The following KAZN variants were observed in gnomAD, a reference collection of about 807,000 sequenced individuals.
KAZN encodes kazrin.
Under a neutral mutation model 87.4 loss-of-function variants are expected in KAZN, and 40 were observed. The ratio of observed to expected loss-of-function variants is 0.46; its 90% CI spans 0.36 to 0.60. The LOEUF (loss-of-function observed/expected upper bound fraction) is 0.60, where lower values mean the gene tolerates loss of function less well. KAZN is among the 20% of genes least tolerant of loss of function. The pLI is 0.00. For missense variants in KAZN, 898 were observed against 1,073.9 expected, an observed-to-expected ratio of 0.84 and a Z score of 2.29; for synonymous variants, 466 against 458.3, an observed-to-expected ratio of 1.02 and a Z score of -0.22.
chr1:13,992,723 A>G (rs1020222866), intron 1 of KAZN, among the ~76,000 whole-genome samples: 1 of 152,080 alleles, frequency 6.6e-6, no homozygotes, highest in Non-Finnish European at 1.5e-5. Context: ...ATTGACGAGC[A>G]TCTTCTTTAC....
chr1:14,491,274 A>G (rs1322078160), intron 2 of KAZN, among the ~76,000 whole-genome samples: 12 of 152,206 alleles, frequency 7.9e-5, no homozygotes, highest in Non-Finnish European at 7.4e-5. Flanking sequence ...ATTAAACCTC[A>G]TGAACTCTAA....
chr1:14,634,379 C>T (rs750646678), intron 1 of KAZN, among the ~76,000 whole-genome samples: 11 of 152,158 alleles, frequency 7.2e-5, no homozygotes, highest in Non-Finnish European at 1.2e-4. Flanking sequence ...TAACCGTACA[C>T]GGAGAATCTG....
rs1658716605 is a variant in KAZN, at chr1:14,923,055, G to A, written c.227-37629G>A. Reference sequence around the variant, plus strand: ...CTCACAGCTTGTTGGACAGCCATAGGCCAGTGACCTAGAAATTTGCACATC... The same window carrying A: ...CTCACAGCTTGTTGGACAGCCATAGACCAGTGACCTAGAAATTTGCACATC... On this transcript the variant is annotated intron_variant, in intron 1 of 14. Coordinates refer to ENST00000376030, the MANE Select transcript of KAZN (RefSeq NM_201628.3). This position sits in a 1 kb window ranked among gnomAD's most constrained non-coding sequence, Gnocchi z 4.2. Among the ~76,000 whole-genome samples, 1 of 152,168 alleles carries A rather than the reference G, an allele frequency of 6.6e-6. No individual in the cohort carries two copies. The highest frequency in any genetic ancestry group is 2.1e-4 in the South Asian group (1 of 4,820).
At chr1:14,419,233 A>G (rs1665132929) in intron 2 of KAZN, among the ~76,000 whole-genome samples, 1 of 152,140 alleles carries the variant, frequency 6.6e-6, no homozygotes, top group Admixed American at 6.5e-5. Context: ...CTGTCATTTT[A>G]AAAGTAAGTA....
chr1:14,603,987 G>C (rs1412881077), intron 1 of KAZN, among the ~76,000 whole-genome samples: 1 of 152,144 alleles, frequency 6.6e-6, no homozygotes, highest in Non-Finnish European at 1.5e-5. Context: ...GGCTATGTAG[G>C]TAAGGACAGT....
chr1:15,057,348 A>G (rs893380280), intron 5 of KAZN, among the ~76,000 whole-genome samples: 6 of 152,244 alleles, frequency 3.9e-5, no homozygotes, highest in Admixed American at 3.9e-4. Flanking sequence ...GACTTCCTTT[A>G]CCTACTTCAT....
At chr1:14,827,649 C>T (rs943645862) in intron 1 of KAZN, among the ~76,000 whole-genome samples, 4 of 152,108 alleles carry the variant, frequency 2.6e-5, no homozygotes, top group African/African-American at 4.8e-5. Context: ...GAGGAGCCCT[C>T]GAAGCAGGCC....
intron 1 of KAZN, among the ~76,000 whole-genome samples, chr1:14,018,110 G>GGCTA (rs1640654929): frequency 1.3e-5 from 2 of 152,154 alleles, no homozygotes; most frequent in South Asian, 4.1e-4. Context: ...ATTGATCACT[G>GGCTA]GCTAGCTAGC....
intron 2 of KAZN, among the ~76,000 whole-genome samples, chr1:14,424,813 C>G (rs1477439001): frequency 1.3e-5 from 2 of 152,148 alleles, no homozygotes; most frequent in African/African-American, 4.8e-5. Context: ...GCTGTAATTC[C>G]AGAGAAAAGA....
intron 1 of KAZN, among the ~76,000 whole-genome samples, chr1:13,919,169 A>C (rs1639970332): frequency 6.6e-6 from 1 of 152,214 alleles, no homozygotes; most frequent in African/African-American, 2.4e-5. Context: ...AGTGCACTGC[A>C]CTTATCTACT....
intron 1 of KAZN, among the ~76,000 whole-genome samples, chr1:14,766,098 G>A (rs1230506586): frequency 1.3e-5 from 2 of 152,212 alleles, no homozygotes; most frequent in Non-Finnish European, 2.9e-5. Flanking sequence ...TGAGACAGGA[G>A]AGGAAAACAG....
intron 1 of KAZN, among the ~76,000 whole-genome samples, chr1:14,121,840 G>C (rs919726139): frequency 6.6e-6 from 1 of 152,200 alleles, no homozygotes; most frequent in Non-Finnish European, 1.5e-5. Context: ...TGACTTGGAA[G>C]AGGTGAGGGA....
intron 1 of KAZN, among the ~76,000 whole-genome samples, chr1:14,697,931 G>A (rs1641707177): frequency 1.3e-5 from 2 of 152,166 alleles, no homozygotes; most frequent in African/African-American, 4.8e-5. Context: ...CTGCTTCCCA[G>A]AGCATAGAGC....
chr1:14,493,676 C>T (rs1669797202), intron 2 of KAZN, among the ~76,000 whole-genome samples: 1 of 152,156 alleles, frequency 6.6e-6, no homozygotes, highest in South Asian at 2.1e-4. Flanking sequence ...CTACGTGCTC[C>T]CTACATCTTC....
At chr1:14,364,698 T>C (rs1400419610) in intron 2 of KAZN, among the ~76,000 whole-genome samples, 1 of 152,180 alleles carries the variant, frequency 6.6e-6, no homozygotes, top group Non-Finnish European at 1.5e-5. Context: ...AAATTCATTC[T>C]CTCTGAGTTC....
chr1:14,235,308 C>T (rs535262906), intron 2 of KAZN, among the ~76,000 whole-genome samples: 1 of 152,230 alleles, frequency 6.6e-6, no homozygotes, highest in East Asian at 1.9e-4. Context: ...GGATGAACTA[C>T]TATAACATGG....
intron 2 of KAZN, among the ~76,000 whole-genome samples, chr1:14,301,871 C>A (rs1654578312): frequency 1.3e-5 from 2 of 152,192 alleles, no homozygotes; most frequent in Admixed American, 1.3e-4. Flanking sequence ...GACTACTCTA[C>A]CAAAGGCAGG....
chr1:14,780,769 G>A (rs1227370977), intron 1 of KAZN, among the ~76,000 whole-genome samples: 5 of 152,210 alleles, frequency 3.3e-5, no homozygotes, highest in African/African-American at 1.2e-4. Flanking sequence ...TTTTCCTTCT[G>A]ATATTGTAGG....
chr1:14,033,952 C>T (rs766518597), intron 1 of KAZN, among the ~76,000 whole-genome samples: 14 of 152,172 alleles, frequency 9.2e-5, no homozygotes, highest in Non-Finnish European at 1.5e-4. Context: ...CTGAGACCAG[C>T]AGACTGGCAC....
Sources: gnomAD v4.1 joint callset for allele counts (sites outside exome capture counted in the v4.1 genomes callset) on GRCh38, gnomAD v4.1.1 for gene constraint, Gnocchi (gnomAD v3.1) non-coding constraint, MANE v1.5 for transcripts, NCBI Gene and HGNC (gene_info 2026-07-23, HGNC 2026-07-21) for gene names.